RGS3: variants seen among roughly 807,000 people sequenced by gnomAD.
RGS3 encodes regulator of G protein signaling 3, also known as regulator of G-protein signalling 3.
Under a neutral mutation model 132.6 loss-of-function variants are expected in RGS3, and 80 were observed. The ratio of observed to expected loss-of-function variants is 0.60; its 90% CI spans 0.50 to 0.73. The LOEUF is 0.73. Among genes scored for constraint, RGS3 ranks in the 30% least tolerant of loss-of-function variants. RGS3 has a pLI of 0.00. For synonymous variants in RGS3, 598 were observed against 620.6 expected (o/e 0.96, Z 0.54); for missense variants, 1,382 against 1,530.8 (o/e 0.90, Z 1.62).
At chr9:113,548,492 CA>C (rs1425429550) in intron 19 of RGS3, among the ~76,000 whole-genome samples, 1 of 152,200 alleles carries the variant, frequency 6.6e-6, no homozygotes, top group Non-Finnish European at 1.5e-5. Context: ...GTGGTGGAGA[CA>C]CTCCCTGTGG....
intron 19 of RGS3, among the ~76,000 whole-genome samples, chr9:113,547,150 A>G (rs1278979020): frequency 1.3e-5 from 2 of 152,150 alleles, no homozygotes; most frequent in African/African-American, 2.4e-5. Flanking sequence ...CCATGGAAAC[A>G]TTTCCATGAG....
In RGS3 at chr9:113,579,914, G is replaced by A. The variant is rs1834709260; in HGVS notation, c.2038-3536G>A. 6.6e-6 allele frequency among the ~76,000 whole-genome samples: 1 copy of A among 152,162 alleles called. No homozygotes were observed. The highest frequency in any genetic ancestry group is 2.1e-4 in the South Asian group (1 of 4,830). On this transcript the variant is annotated intron_variant, in intron 19 of 24. Transcript: ENST00000350696. This position sits in a 1 kb window ranked among gnomAD's most constrained non-coding sequence, Gnocchi z 4.3. ...CCTGTGGCATTTCGTTGCTCACAGG[G>A]CAAATCCCATGCCCACCATGTGTTC...
intron 20 of RGS3, among the ~76,000 whole-genome samples, chr9:113,587,158 A>G (rs10981836): frequency 0.58 from 87,085 of 151,114 alleles, 25,780 homozygotes; most frequent in East Asian, 0.82. Flanking sequence ...GGCACTGGAC[A>G]AGGCCTCACC....
chr9:113,591,185 G>T lies in RGS3; in HGVS notation c.3016-148G>T. On this transcript the variant is annotated intron_variant, in intron 20 of 24. Coordinates refer to ENST00000350696, the Ensembl canonical transcript of RGS3. The surrounding 1 kb of genome is among the most constrained non-coding windows in gnomAD (Gnocchi z 4.4). Reference sequence around the variant, plus strand: ...TGGCCAGGCTGTTCCCAGCAGTGGGGTTTCCCTCCCTCACCTGTGTGCCGC... The same window carrying T: ...TGGCCAGGCTGTTCCCAGCAGTGGGTTTTCCCTCCCTCACCTGTGTGCCGC... 1 of 659,022 alleles carries T rather than the reference G, an allele frequency of 1.5e-6. No homozygotes were observed. The highest frequency in any genetic ancestry group is 2.6e-6 in the Non-Finnish European group (1 of 378,968). The allele number at this position is 659,022 out of a possible 1,614,324, so 40.8% of individuals were successfully genotyped here.
At chr9:113,469,428 C>T (rs1829755581) in intron 3 of RGS3, among the ~76,000 whole-genome samples, 1 of 152,222 alleles carries the variant, frequency 6.6e-6, no homozygotes, top group South Asian at 2.1e-4. Flanking sequence ...AGTCCAACTG[C>T]TCAGGAGCTT....
At position 113,565,139 on chromosome 9, in the gene RGS3, G is replaced by A; in HGVS notation, c.2038-18311G>A. 1 of 1,188,120 alleles carries A rather than the reference G, an allele frequency of 8.4e-7. No homozygotes were observed. Among genetic ancestry groups the A allele is most frequent in the Non-Finnish European group, 1.1e-6 (1 of 940,764 alleles). 73.6% of individuals were successfully genotyped at this position (1,188,120 alleles called of 1,614,324 possible). A position where few individuals can be genotyped will look rare whatever the true frequency, so the allele number is the denominator to read the frequency against. On this transcript the variant is annotated intron_variant, in intron 19 of 24. Coordinates refer to ENST00000350696, the Ensembl canonical transcript of RGS3. The surrounding 1 kb of genome is among the most constrained non-coding windows in gnomAD (Gnocchi z 5.7). The stretch of plus-strand genomic sequence containing the variant: ...GGGCCAGCTTGGGCCCTGGGGATGA[G>A]CCACAGGGGACCCACAGCCTATGCG...
intron 21 of RGS3, 100 bp from the exon 20 acceptor site, chr9:113,594,330 G>A (rs760208262): frequency 3.8e-6 from 6 of 1,592,512 alleles, no homozygotes; most frequent in South Asian, 1.1e-5. Flanking sequence ...GGCGACACAC[G>A]ATGAAGGAGT....
intron 10 of RGS3, among the ~76,000 whole-genome samples, chr9:113,503,653 G>A (rs1831007582): frequency 6.6e-6 from 1 of 152,226 alleles, no homozygotes; most frequent in Non-Finnish European, 1.5e-5. Context: ...AGAGCCCAGG[G>A]TGCTGGGATG....
intron 17 of RGS3, among the ~76,000 whole-genome samples, chr9:113,524,161 A>C (rs1832092313): frequency 6.6e-6 from 1 of 152,178 alleles, no homozygotes; most frequent in South Asian, 2.1e-4. Flanking sequence ...ATTAGGTTGG[A>C]GTTCCAGTGG....
At chr9:113,469,173 G>A (rs1223186154) in intron 3 of RGS3, among the ~76,000 whole-genome samples, 1 of 151,432 alleles carries the variant, frequency 6.6e-6, no homozygotes, top group Non-Finnish European at 1.5e-5. Context: ...TGTAGTGAGA[G>A]TGAAGCTTGG....
At chr9:113,491,155 TTATA>T (rs1304079041) in intron 7 of RGS3, among the ~76,000 whole-genome samples, 1 of 145,056 alleles carries the variant, frequency 6.9e-6, no homozygotes, top group African/African-American at 2.5e-5. Context: ...TATTTATATA[TTATA>T]TATATTCTTT....
intron 3 of RGS3, among the ~76,000 whole-genome samples, chr9:113,471,609 C>T (rs1040456435): frequency 3.3e-5 from 5 of 151,898 alleles, no homozygotes; most frequent in African/African-American, 4.8e-5. Flanking sequence ...CTCTCTCCCT[C>T]CTTTTCTCCT....
chr9:113,485,149 A>T (rs1420768588), intron 6 of RGS3, among the ~76,000 whole-genome samples: 1 of 151,950 alleles, frequency 6.6e-6, no homozygotes, highest in Non-Finnish European at 1.5e-5. Context: ...GTGCAGTGGC[A>T]CAATCTCGGC....
rs1171248553 is a variant in RGS3 at position 113,453,230 on chromosome 9, CATT to C, written c.-12-7012_-12-7010del. Among the ~76,000 whole-genome samples the C allele has an allele frequency of 1.0e-3, 99 of 97,472 alleles. 1 individual carries two copies. The highest frequency in any genetic ancestry group is 2.0e-3 in the Admixed American group (15 of 7,632). 63.9% of individuals were successfully genotyped at this position (97,472 alleles called of 152,430 possible). A position where few individuals can be genotyped will look rare whatever the true frequency, so the allele number is the denominator to read the frequency against. ...TCATTATATGATTACATAATATACTCATTATATGATTACATAATATACTCATTA... is the reference window on the plus strand; with the variant it reads ...TCATTATATGATTACATAATATACTCATATGATTACATAATATACTCATTA... On this transcript the variant is annotated intron_variant, in intron 1 of 25. Transcript: ENST00000374140.
intron 19 of RGS3, among the ~76,000 whole-genome samples, chr9:113,553,459 A>AATATATATAT (rs1217293385): frequency 1.4e-4 from 8 of 58,694 alleles, no homozygotes; most frequent in Admixed American, 8.2e-4. Context: ...AAAAAAAAAA[A>AATATATATAT]ATATATATAT....
chr9:113,461,318 G>A lies in RGS3; in HGVS notation c.81-389G>A, dbSNP rs528924833. On this transcript the variant is annotated intron_variant, in intron 1 of 24. Transcript: ENST00000350696. ...CTTGGTCCAACTCTCCTGCCTTCTT[G>A]GGGAAAGCAGGGCCATGATCATGAG... is the stretch of plus-strand genomic sequence containing the variant. 6.6e-5 allele frequency among the ~76,000 whole-genome samples: 10 copies of A among 152,276 alleles called. No homozygotes were observed. The South Asian group carries it at 2.1e-3, about 32-fold the overall frequency.
chr9:113,523,933 C>A (rs180814564), intron 17 of RGS3, among the ~76,000 whole-genome samples: 69 of 152,286 alleles, frequency 4.5e-4, no homozygotes, highest in Admixed American at 2.5e-3. Context: ...GTATGAGAAC[C>A]GCCACTCTCA....
In RGS3 at chr9:113,565,875, CTGTG is replaced by C. The variant is rs34919768; in HGVS notation, c.2038-17537_2038-17534del. On this transcript the variant is annotated intron_variant, in intron 19 of 24. Coordinates refer to ENST00000350696, the Ensembl canonical transcript of RGS3. The surrounding 1 kb of genome is among the most constrained non-coding windows in gnomAD (Gnocchi z 5.7). ...ATTTGTGCTCTGTTCTGAGATAGCT[CTGTG>C]TGTGTGTGTGTGTGTGTGTGTGTGT... 164 of 139,040 alleles carry C rather than the reference CTGTG, an allele frequency of 1.2e-3. 2 individuals are homozygous for C. The highest frequency in any genetic ancestry group is 3.6e-3 in the Middle Eastern group (1 of 280). The allele number at this position is 139,040 out of a possible 1,614,324, so 8.6% of individuals were successfully genotyped here.
At chr9:113,593,059 G>T (rs1457572879) in intron 21 of RGS3, 1 of 152,182 alleles carries the variant, frequency 6.6e-6, no homozygotes, top group African/African-American at 2.4e-5. Context: ...CTGGCCTGCT[G>T]GCTTCTGTTT....
Sources: gnomAD v4.1 joint callset for allele counts (sites outside exome capture counted in the v4.1 genomes callset) on GRCh38, gnomAD v4.1.1 for gene constraint, Gnocchi (gnomAD v3.1) non-coding constraint, MANE v1.5 for transcripts, NCBI Gene and HGNC (gene_info 2026-07-23, HGNC 2026-07-21) for gene names.